Variants in MCU observed in about 807,000 individuals in gnomAD.
MCU encodes calcium uniporter protein, mitochondrial.
In MCU, 12 loss-of-function variants were observed where a neutral mutation model predicts 45.2. The observed-to-expected ratio is 0.27, with a 90% CI of 0.17 to 0.43. MCU has a LOEUF of 0.43. MCU is among the 20% of genes least tolerant of loss of function. The pLI is 1.00. For missense variants in MCU, 324 were observed against 436.7 expected (o/e 0.74, Z 2.30); for synonymous variants, 160 against 165.1 (o/e 0.97, Z 0.24).
chr10:72,741,924 A>AG (rs966690220), intron 1 of MCU, among the ~76,000 whole-genome samples: 2 of 141,714 alleles, frequency 1.4e-5, no homozygotes, highest in Non-Finnish European at 3.0e-5. Context: ...GCTACTGGGG[A>AG]GGCTGAGGCA....
intron 4 of MCU, among the ~76,000 whole-genome samples, chr10:72,864,056 A>T (rs991183134): frequency 6.6e-6 from 1 of 152,230 alleles, no homozygotes; most frequent in African/African-American, 2.4e-5. Flanking sequence ...GTAAAGATGC[A>T]GTGTTAAATA....
intron 1 of MCU, among the ~76,000 whole-genome samples, chr10:72,790,741 C>T (rs1336616776): frequency 1.3e-5 from 2 of 152,120 alleles, no homozygotes; most frequent in South Asian, 2.1e-4. Context: ...CTACTAGGCA[C>T]GCTTTATGCC....
At chr10:72,693,050 CA>C in intron 1 of MCU, 7 of 1,536,106 alleles carry the variant, frequency 4.6e-6, no homozygotes, top group Non-Finnish European at 6.1e-6. Context: ...TCAGCAGGCA[CA>C]GGAGAAGCGA....
At chr10:72,847,312 G>T (rs1278377883) in intron 2 of MCU, among the ~76,000 whole-genome samples, 1 of 152,128 alleles carries the variant, frequency 6.6e-6, no homozygotes, top group Non-Finnish European at 1.5e-5. Flanking sequence ...GGAACCTGGG[G>T]TTCTCCACAG....
intron 1 of MCU, chr10:72,760,487 A>G (rs1279437979): frequency 6.6e-6 from 1 of 152,070 alleles, no homozygotes; most frequent in African/African-American, 2.4e-5. Context: ...TTAAAAATAT[A>G]TTTTATAATT....
intron 1 of MCU, among the ~76,000 whole-genome samples, chr10:72,795,865 G>A (rs544596394): frequency 6.6e-6 from 1 of 152,210 alleles, no homozygotes; most frequent in East Asian, 1.9e-4. Context: ...GGGTGTGGTG[G>A]CGGGCGCCTG....
intron 1 of MCU, among the ~76,000 whole-genome samples, chr10:72,810,760 GC>G (rs1303987314): frequency 6.6e-6 from 1 of 152,018 alleles, no homozygotes; most frequent in Non-Finnish European, 1.5e-5. Context: ...CTCCCAAAGT[GC>G]TGGGATTACA....
intron 1 of MCU, among the ~76,000 whole-genome samples, chr10:72,699,693 G>A (rs1490350931): frequency 1.3e-5 from 2 of 151,272 alleles, no homozygotes; most frequent in Non-Finnish European, 2.9e-5. Context: ...CTGGGTTCAA[G>A]TGATTCTGCT....
chr10:72,780,511 A>AGAGTGTGT (rs778332838), intron 1 of MCU, among the ~76,000 whole-genome samples: 1 of 110,584 alleles, frequency 9.0e-6, no homozygotes, highest in Non-Finnish European at 1.8e-5. Flanking sequence ...TCTTTGGCTA[A>AGAGTGTGT]GTGTGTGTGT....
At position 72,886,072 on chromosome 10, in the gene MCU, A is replaced by C. The variant is rs190413755; in HGVS notation, c.*250A>C. 3.4e-5 allele frequency: 14 copies of C among 410,220 alleles called. No homozygotes were observed. In the East Asian group the frequency reaches 3.5e-4, roughly 10 times the overall value. 25.4% of individuals were successfully genotyped at this position (410,220 alleles called of 1,614,324 possible). A position where few individuals can be genotyped will look rare whatever the true frequency, so the allele number is the denominator to read the frequency against. ...GTATCTCAGTTTCTGGATGAAAATG[A>C]TGCAGTTATATAGTTGAGAGATTCA... On this transcript the variant is annotated 3_prime_UTR_variant, in exon 8 of 8. Transcript: ENST00000373053.
chr10:72,695,712 CTTTT>C (rs201032987), intron 1 of MCU, among the ~76,000 whole-genome samples: 10 of 138,526 alleles, frequency 7.2e-5, no homozygotes, highest in Non-Finnish European at 9.5e-5. Context: ...AATTCCTTTA[CTTTT>C]TTTTTTTTTT....
chr10:72,857,732 TG>T (rs1845315143), intron 2 of MCU, among the ~76,000 whole-genome samples: 1 of 152,218 alleles, frequency 6.6e-6, no homozygotes, highest in South Asian at 2.1e-4. Flanking sequence ...AAAAAATGTA[TG>T]TGAAAATTAT....
intron 1 of MCU, among the ~76,000 whole-genome samples, chr10:72,720,845 G>A (rs970995021): frequency 1.3e-5 from 2 of 152,048 alleles, no homozygotes; most frequent in South Asian, 2.1e-4. Context: ...GATATGTAAC[G>A]TGCATCTAAG....
At chr10:72,807,622 CT>C (rs1844472180) in intron 1 of MCU, among the ~76,000 whole-genome samples, 1 of 152,116 alleles carries the variant, frequency 6.6e-6, no homozygotes, top group African/African-American at 2.4e-5. Context: ...CCTTTTACTT[CT>C]TTCACCATAT....
chr10:72,815,835 G>A (rs1844616976), intron 1 of MCU, among the ~76,000 whole-genome samples: 1 of 152,094 alleles, frequency 6.6e-6, no homozygotes, highest in Non-Finnish European at 1.5e-5. Flanking sequence ...GAGCTAATAT[G>A]CCTCAGTGGA....
chr10:72,749,650 G>T (rs1336114102), intron 1 of MCU, among the ~76,000 whole-genome samples: 4 of 152,170 alleles, frequency 2.6e-5, no homozygotes, highest in African/African-American at 4.8e-5. Context: ...AGTGCCTTTT[G>T]AGTGAAAGAG....
intron 1 of MCU, among the ~76,000 whole-genome samples, chr10:72,704,009 T>C (rs1225763669): frequency 2.0e-5 from 3 of 152,216 alleles, no homozygotes; most frequent in Non-Finnish European, 2.9e-5. Context: ...AAATATTAGT[T>C]GAGACCTAAA....
rs977243889 is a variant in MCU, at chr10:72,793,705, G to A, written c.151-40654G>A. Among the ~76,000 whole-genome samples the A allele has an allele frequency of 2.0e-5, 3 of 152,000 alleles. No homozygotes were observed. In the East Asian group the frequency reaches 5.8e-4, roughly 29 times the overall value. On this transcript the variant is annotated intron_variant, in intron 1 of 7. Coordinates refer to ENST00000373053, the MANE Select transcript of MCU (RefSeq NM_138357.3). ...GGCCCTTGGTTGGGGCTGTAGGCTCGAATATATCTACATGTGGTCTGTGTG... is the reference window on the plus strand; with the variant it reads ...GGCCCTTGGTTGGGGCTGTAGGCTCAAATATATCTACATGTGGTCTGTGTG...
intron 1 of MCU, among the ~76,000 whole-genome samples, chr10:72,754,513 G>A (rs904708093): frequency 6.6e-6 from 1 of 152,226 alleles, no homozygotes; most frequent in Non-Finnish European, 1.5e-5. Flanking sequence ...CACTTTGGGA[G>A]GCTAAGGCAG....
Sources: allele counts gnomAD v4.1 joint callset (sites outside exome capture counted in the v4.1 genomes callset), GRCh38; gene constraint gnomAD v4.1.1; transcripts MANE v1.5; gene names NCBI Gene and HGNC (gene_info 2026-07-23, HGNC 2026-07-21).